The following SLC5A11 variants were observed in gnomAD, a reference collection of about 807,000 sequenced individuals.
The protein encoded by SLC5A11 is sodium/myo-inositol cotransporter 2.
In SLC5A11, 48 loss-of-function variants were observed where a neutral mutation model predicts 69.8. The ratio of observed to expected loss-of-function variants is 0.69; its 90% CI spans 0.55 to 0.87. The LOEUF (loss-of-function observed/expected upper bound fraction) is 0.87. Ranked by LOEUF, SLC5A11 falls within the 40% of genes least tolerant of loss-of-function variation. The pLI is 0.00. For synonymous variants in SLC5A11, 319 were observed against 342.4 expected, an observed-to-expected ratio of 0.93 and a Z score of 0.75; for missense variants, 784 against 866.1, an observed-to-expected ratio of 0.91 and a Z score of 1.19.
rs761792901 is a variant in SLC5A11 at position 24,907,187 on chromosome 16, C to G, written c.1265+12C>G. On this transcript the variant is annotated intron_variant, in intron 12 of 15. Transcript: ENST00000347898. Reference sequence around the variant, plus strand: ...ATGATTGTGGGCAGGTAAGTCCCCACTGGGTGGGGCTGGGGCAGGGGGAAG... The same window carrying G: ...ATGATTGTGGGCAGGTAAGTCCCCAGTGGGTGGGGCTGGGGCAGGGGGAAG... 6 of 1,613,480 alleles carry G rather than the reference C, an allele frequency of 3.7e-6. No individual in the cohort carries two copies. The highest frequency in any genetic ancestry group is 8.5e-7 in the Non-Finnish European group (1 of 1,179,644).
intron 1 of SLC5A11, among the ~76,000 whole-genome samples, chr16:24,854,192 C>T (rs1205590339): frequency 6.6e-6 from 1 of 152,190 alleles, no homozygotes; most frequent in African/African-American, 2.4e-5. Context: ...CGCCCCTCCT[C>T]CCTCCTCCCT....
At chr16:24,870,479 CA>C (rs1025779132) in intron 4 of SLC5A11, among the ~76,000 whole-genome samples, 19 of 129,156 alleles carry the variant, frequency 1.5e-4, no homozygotes, top group Non-Finnish European at 2.6e-4. Context: ...CCAAAAAACA[CA>C]AAAAAAAAAC....
At chr16:24,857,168 C>A (rs8059630) in intron 1 of SLC5A11, among the ~76,000 whole-genome samples, 1 of 152,198 alleles carries the variant, frequency 6.6e-6, no homozygotes, top group African/African-American at 2.4e-5. Context: ...TCCCCATGAA[C>A]CTGCCCTCTG....
At chr16:24,896,337 T>C (rs116831632) in intron 9 of SLC5A11, among the ~76,000 whole-genome samples, 4,234 of 152,050 alleles carry the variant, frequency 0.028, 188 homozygotes, top group African/African-American at 0.092. Flanking sequence ...TAAATAAAAA[T>C]TTTAAAAATT....
At chr16:24,858,848 C>T in intron 2 of SLC5A11, 70 bp downstream of exon 3, 1 of 1,519,674 alleles carries the variant, frequency 6.6e-7, no homozygotes, top group Non-Finnish European at 8.9e-7. Context: ...CCGGAGTTAA[C>T]CTCATCCTTT....
At chr16:24,901,396 C>G (rs1382060276) in intron 10 of SLC5A11, among the ~76,000 whole-genome samples, 1 of 152,128 alleles carries the variant, frequency 6.6e-6, no homozygotes, top group Non-Finnish European at 1.5e-5. Flanking sequence ...AGGCAGATCG[C>G]TCGAGCTCAG....
chr16:24,851,781 T>G (rs1161212658), intron 1 of SLC5A11, among the ~76,000 whole-genome samples: 1 of 152,084 alleles, frequency 6.6e-6, no homozygotes, highest in East Asian at 1.9e-4. Flanking sequence ...CTCAGAGAGG[T>G]GACTTGCCCA....
At chr16:24,898,141 G>T in intron 10 of SLC5A11, 32 bp downstream of exon 11, 1 of 1,610,086 alleles carries the variant, frequency 6.2e-7, no homozygotes, top group Non-Finnish European at 8.5e-7. Context: ...GAGGTCATTG[G>T]TATGTGAGTC....
chr16:24,850,373 C>T (rs561525136), intron 1 of SLC5A11, among the ~76,000 whole-genome samples: 1 of 152,364 alleles, frequency 6.6e-6, no homozygotes, highest in South Asian at 2.1e-4. Context: ...TAGTCCCAGA[C>T]AGCCCTTCTC....
rs59941163 is a variant in SLC5A11, at chr16:24,847,295, TTTTCTTTC to T, written c.-25+872_-25+879del. On this transcript the variant is annotated intron_variant, in intron 1 of 15. Transcript: ENST00000347898. Reference sequence around the variant, plus strand: ...TCTCTGTTTCTCTTTCTTTTCCCTTTTTTCTTTCTTTCTTTCTTTCTTCTCTCTCTTTT... The same window carrying T: ...TCTCTGTTTCTCTTTCTTTTCCCTTTTTTCTTTCTTTCTTCTCTCTCTTTT... Among the ~76,000 whole-genome samples the T allele has an allele frequency of 1.0e-4, 15 of 145,260 alleles. No individual in the cohort carries two copies. In the East Asian group the frequency reaches 1.2e-3, roughly 12 times the overall value.
At chr16:24,902,800 A>T (rs935695787) in intron 10 of SLC5A11, among the ~76,000 whole-genome samples, 1 of 152,134 alleles carries the variant, frequency 6.6e-6, no homozygotes. Flanking sequence ...CGGCCTCCCA[A>T]AGTGTCGGAA....
intron 12 of SLC5A11, 67 bp from the exon 14 acceptor site, chr16:24,907,896 C>CA: frequency 6.3e-7 from 1 of 1,585,728 alleles, no homozygotes; most frequent in Non-Finnish European, 8.6e-7. Flanking sequence ...TTAAAAGAGA[C>CA]AGAGAGAGGG....
chr16:24,906,706 C>G (rs1300796488), exon 11 of SLC5A11: 1 of 1,613,644 alleles, frequency 6.2e-7, no homozygotes, highest in South Asian at 1.1e-5. Flanking sequence ...TCTGCAGCAA[C>G]CCCTCAGGCT....
intron 10 of SLC5A11, among the ~76,000 whole-genome samples, chr16:24,900,918 T>TA (rs57145899): frequency 3.3e-3 from 388 of 116,604 alleles, no homozygotes; most frequent in East Asian, 5.8e-3. Context: ...ACCCTATCTC[T>TA]AAAAAAAAAA....
At chr16:24,850,812 G>T (rs868799087) in intron 1 of SLC5A11, among the ~76,000 whole-genome samples, 1 of 145,672 alleles carries the variant, frequency 6.9e-6, no homozygotes, top group Non-Finnish European at 1.5e-5. Context: ...AAGTTTATTC[G>T]TTTTTTTTTT....
At position 24,889,495 on chromosome 16, in the gene SLC5A11, AAAC is replaced by A. The variant is rs544968298; in HGVS notation, c.665-1368_665-1366del. ...AGACCCTGTCTCTAAGAACAAAACA[AAAC>A]AACAAAACCTGAAACCATTATTAGA... On this transcript the variant is annotated intron_variant, in intron 8 of 15. Coordinates refer to ENST00000347898, the Ensembl canonical transcript of SLC5A11. 6.4e-3 allele frequency among the ~76,000 whole-genome samples: 980 copies of A among 152,020 alleles called. 5 individuals carry two copies. Among genetic ancestry groups the A allele is most frequent in the Non-Finnish European group, 0.01 (680 of 67,984 alleles).
intron 1 of SLC5A11, among the ~76,000 whole-genome samples, chr16:24,849,593 A>AAAAAAAATATATATATATATATAT: frequency 5.6e-5 from 2 of 35,910 alleles, no homozygotes; most frequent in African/African-American, 9.2e-5. Flanking sequence ...AAAAAAAAAA[A>AAAAAAAATATATATATATATATAT]ATATATATAT....
At chr16:24,905,205 C>T (rs980766906) in intron 10 of SLC5A11, among the ~76,000 whole-genome samples, 92 of 144,690 alleles carry the variant, frequency 6.4e-4, no homozygotes, top group African/African-American at 2.3e-3. Context: ...GGGAGGAACA[C>T]TTGAGGCCAG....
chr16:24,906,758 C>A, exon 11 of SLC5A11: 1 of 1,611,226 alleles, frequency 6.2e-7, no homozygotes, highest in South Asian at 1.1e-5. Context: ...GGAACTCCTG[C>A]CCACAGGTAA....
Sources: allele counts gnomAD v4.1 joint callset (sites outside exome capture counted in the v4.1 genomes callset), GRCh38; gene constraint gnomAD v4.1.1; transcripts MANE v1.5; gene names NCBI Gene and HGNC (gene_info 2026-07-23, HGNC 2026-07-21).